B4GALNT3: variants seen among roughly 807,000 people sequenced by gnomAD.
B4GALNT3 encodes the protein beta-1,4-N-acetyl-galactosaminyltransferase 3, also known as beta-1,4-N-acetylgalactosaminyltransferase 3.
A neutral mutation model predicts 120.2 loss-of-function variants in B4GALNT3; 86 were observed. The observed-to-expected ratio is 0.72, with a 90% confidence interval of 0.60 to 0.86. The LOEUF (loss-of-function observed/expected upper bound fraction) is 0.86. B4GALNT3 is among the 40% of genes least tolerant of loss of function. The pLI, the probability that B4GALNT3 is intolerant of heterozygous loss-of-function variation, is 0.00. For synonymous variants in B4GALNT3, 518 were observed against 510.4 expected, an observed-to-expected ratio of 1.01 and a Z score of -0.20; for missense variants, 1,167 against 1,298.9, an observed-to-expected ratio of 0.90 and a Z score of 1.56.
At chr12:471,501 G>A (rs1294635672) in intron 1 of B4GALNT3, among the ~76,000 whole-genome samples, 2 of 151,922 alleles carry the variant, frequency 1.3e-5, no homozygotes, top group Non-Finnish European at 2.9e-5. Context: ...GAGGTCATGA[G>A]TTCAAGACCA....
chr12:540,247 C>A (rs1946900910), intron 3 of B4GALNT3, among the ~76,000 whole-genome samples: 1 of 152,186 alleles, frequency 6.6e-6, no homozygotes, highest in Non-Finnish European at 1.5e-5. Flanking sequence ...GCGCAGGTGA[C>A]ACCCTTTTGT....
At chr12:537,714 T>C (rs1946875501) in intron 3 of B4GALNT3, among the ~76,000 whole-genome samples, 1 of 152,224 alleles carries the variant, frequency 6.6e-6, no homozygotes, top group South Asian at 2.1e-4. Context: ...ATTTTACAAC[T>C]TGTTTAGAAC....
intron 1 of B4GALNT3, among the ~76,000 whole-genome samples, chr12:472,442 G>C (rs1946145259): frequency 7.4e-6 from 1 of 135,124 alleles, no homozygotes. Flanking sequence ...CACCATGCCT[G>C]CTTATTTTAT....
chr12:492,321 C>T lies in B4GALNT3; in HGVS notation c.169+31776C>T, dbSNP rs1001836574. The stretch of plus-strand genomic sequence containing the variant: ...TGTCAATTGCTTTCTGATATACCAG[C>T]AATGAACAAGTGGAATTTGAAATTA... On this transcript the variant is annotated intron_variant, in intron 1 of 19. Transcript: ENST00000266383. 3.9e-5 allele frequency among the ~76,000 whole-genome samples: 6 copies of T among 152,210 alleles called. 1 individual carries two copies. The highest frequency in any genetic ancestry group is 3.9e-4 in the Admixed American group (6 of 15,276).
intron 1 of B4GALNT3, among the ~76,000 whole-genome samples, chr12:509,779 G>A (rs1946529132): frequency 6.6e-6 from 1 of 152,144 alleles, no homozygotes; most frequent in Admixed American, 6.5e-5. Context: ...GTGGCCCAGG[G>A]AAGATCTTGC....
Position 553,789 on chromosome 12 carries a change from C to G in B4GALNT3, c.1866C>G (p.Phe622Leu), listed in dbSNP as rs772138831. 6.2e-7 allele frequency: 1 copy of G among 1,614,176 alleles called. No individual in the cohort carries two copies. The highest frequency in any genetic ancestry group is 8.5e-7 in the Non-Finnish European group (1 of 1,180,010). Residue 622 changes from phenylalanine (F) to leucine (L), a missense_variant, in exon 14 of 20, where the codon TTC becomes TTG. Phe to Leu is a conservative substitution (Grantham distance 22). This residue lies in a region of B4GALNT3 where 983 missense variants were observed against 1,102.5 expected (regional missense o/e 0.89). Coordinates refer to ENST00000266383, the MANE Select transcript of B4GALNT3 (RefSeq NM_173593.4). ...EEEEEDMSEV[F>L]EYVPVFDPVV... Reference sequence around the variant, plus strand: ...AGGAAGAGGATATGAGTGAGGTGTTCGAGTACGTACCTGTGTTTGACCCGG... The same window carrying G: ...AGGAAGAGGATATGAGTGAGGTGTTGGAGTACGTACCTGTGTTTGACCCGG...
intron 3 of B4GALNT3, among the ~76,000 whole-genome samples, chr12:537,112 C>A (rs1032021094): frequency 2.6e-5 from 4 of 152,160 alleles, no homozygotes; most frequent in Non-Finnish European, 5.9e-5. Context: ...CATGAAATGC[C>A]TATTATACTC....
At chr12:524,622 T>C (rs921722348) in intron 1 of B4GALNT3, among the ~76,000 whole-genome samples, 1 of 146,972 alleles carries the variant, frequency 6.8e-6, no homozygotes, top group Non-Finnish European at 1.5e-5. Flanking sequence ...CTGTGTGAGA[T>C]ACTTGTTAAG....
At chr12:507,615 C>A (rs532913274) in intron 1 of B4GALNT3, among the ~76,000 whole-genome samples, 2 of 152,360 alleles carry the variant, frequency 1.3e-5, no homozygotes, top group Admixed American at 6.5e-5. Context: ...ACACCCTACG[C>A]CCTGCGAGTG....
chr12:556,599 C>A lies in B4GALNT3; in HGVS notation c.2113C>A (p.Arg705Ser), dbSNP rs192118846. Reference protein sequence around the residue: ...VNVEKRQDQLRGGRYLLELEL... With the variant: ...VNVEKRQDQLSGGRYLLELEL... ...CGTGGAAAAGCGTCAGGACCAGCTA[C>A]GTGGGGGTCGCTACCTCCTGGAGCT... The change falls in exon 15 of 20, where the codon CGT (arginine) becomes AGT (serine). Residue 705 changes from arginine to serine, a missense_variant. Around this residue, in one of 3 missense-constraint regions of B4GALNT3, gnomAD observed 983 missense variants for 1,102.5 expected, o/e 0.89. Coordinates refer to ENST00000266383, the MANE Select transcript of B4GALNT3 (RefSeq NM_173593.4). 11 of 1,613,910 alleles carry A rather than the reference C, an allele frequency of 6.8e-6. No homozygotes were observed. The highest frequency in any genetic ancestry group is 9.3e-6 in the Non-Finnish European group (11 of 1,180,044).
Position 474,776 on chromosome 12 carries a change from A to G in B4GALNT3, c.169+14231A>G, listed in dbSNP as rs1946167796. Among the ~76,000 whole-genome samples, 9 of 151,978 alleles carry G rather than the reference A, an allele frequency of 5.9e-5. No individual in the cohort carries two copies. In the South Asian group the frequency reaches 1.7e-3, roughly 28 times the overall value. On this transcript the variant is annotated intron_variant, in intron 1 of 19. Transcript: ENST00000266383. ...GGAGTTCAAGATCAGCTTGGGCAAC[A>G]TCGTGAAACCCTGTCTACAAAAAAT... is the stretch of plus-strand genomic sequence containing the variant.
At chr12:517,336 G>T (rs55661657) in intron 1 of B4GALNT3, among the ~76,000 whole-genome samples, 222 of 152,242 alleles carry the variant, frequency 1.5e-3, no homozygotes, top group African/African-American at 5.1e-3. Context: ...CATGGGAGAA[G>T]ATCAGGGATT....
chr12:488,759 G>T (rs1028257915), intron 1 of B4GALNT3, among the ~76,000 whole-genome samples: 2 of 152,092 alleles, frequency 1.3e-5, no homozygotes, highest in Admixed American at 6.6e-5. Context: ...GCCCAAGGTT[G>T]CAGTGAGCTA....
chr12:505,049 C>T (rs978853378), intron 1 of B4GALNT3, among the ~76,000 whole-genome samples: 2 of 152,086 alleles, frequency 1.3e-5, no homozygotes, highest in Non-Finnish European at 2.9e-5. Flanking sequence ...CACCACCACG[C>T]CTGGCTAATG....
intron 7 of B4GALNT3, among the ~76,000 whole-genome samples, chr12:547,380 G>A (rs1452679991): frequency 6.6e-6 from 1 of 152,204 alleles, no homozygotes; most frequent in African/African-American, 2.4e-5. Flanking sequence ...TGCTCCAGGT[G>A]GGTGAAGGGA....
At chr12:524,435 G>T (rs1256906969) in intron 1 of B4GALNT3, among the ~76,000 whole-genome samples, 3 of 152,180 alleles carry the variant, frequency 2.0e-5, no homozygotes, top group African/African-American at 7.2e-5. Flanking sequence ...CCTTAAAAGA[G>T]TGTGTTTTTC....
In B4GALNT3 at chr12:546,565, C is replaced by T. The variant is rs947787590; in HGVS notation, c.640-81C>T. 4.1e-5 allele frequency: 53 copies of T among 1,286,538 alleles called. No individual in the cohort carries two copies. The Middle Eastern group carries it at 5.5e-4, about 13-fold the overall frequency. The allele number at this position is 1,286,538 out of a possible 1,614,324, so 79.7% of individuals were successfully genotyped here. A position where few individuals can be genotyped will look rare whatever the true frequency, so the allele number is the denominator to read the frequency against. ...CTTTTTCTCTCACTTCTTGGTTCTC[C>T]TTCCTGGTCTCGCACTCACCGCCTC... On this transcript the variant is annotated intron_variant, in intron 6 of 19. Coordinates refer to ENST00000266383, the MANE Select transcript of B4GALNT3 (RefSeq NM_173593.4).
intron 1 of B4GALNT3, among the ~76,000 whole-genome samples, chr12:513,408 G>C (rs762052857): frequency 6.6e-6 from 1 of 152,174 alleles, no homozygotes; most frequent in East Asian, 1.9e-4. Context: ...TGGGTTATTC[G>C]TGCCTCTCAT....
chr12:505,015 C>T lies in B4GALNT3; in HGVS notation c.170-30151C>T, dbSNP rs374917297. Reference sequence around the variant, plus strand: ...AAGCGATCCTCCTGCCTCAGCCTCCCGAGTAGCTGGGATTACAGGTGCACA... The same window carrying T: ...AAGCGATCCTCCTGCCTCAGCCTCCTGAGTAGCTGGGATTACAGGTGCACA... On this transcript the variant is annotated intron_variant, in intron 1 of 19. Coordinates refer to ENST00000266383, the MANE Select transcript of B4GALNT3 (RefSeq NM_173593.4). 3.0e-4 allele frequency among the ~76,000 whole-genome samples: 45 copies of T among 152,106 alleles called. 1 individual carries two copies. In the South Asian group the frequency reaches 8.7e-3, roughly 30 times the overall value.
Sources: allele counts gnomAD v4.1 joint callset (sites outside exome capture counted in the v4.1 genomes callset), GRCh38; gene constraint gnomAD v4.1.1; regional missense constraint gnomAD v4.1.1; transcripts MANE v1.5; gene names NCBI Gene and HGNC (gene_info 2026-07-23, HGNC 2026-07-21).